The following CDH18 variants were observed in gnomAD, a reference collection of about 807,000 sequenced individuals.
The protein encoded by CDH18 is cadherin 18, also known as cadherin-18.
CDH18 carries 31 observed loss-of-function variants against 67.9 expected under a neutral mutation model. The ratio of observed to expected loss-of-function variants is 0.46; its 90% CI spans 0.34 to 0.62. CDH18 has a LOEUF of 0.62. Among genes scored for constraint, CDH18 ranks in the 20% least tolerant of loss-of-function variants. CDH18 has a pLI of 0.01. For synonymous variants in CDH18, 362 were observed against 347.2 expected (o/e 1.04, Z -0.48); for missense variants, 890 against 975.5 (o/e 0.91, Z 1.17).
rs113919799 is a variant in CDH18, at chr5:19,756,490, T to C, written c.229-9254A>G. 8.6e-4 allele frequency among the ~76,000 whole-genome samples: 131 copies of C among 152,314 alleles called. 1 individual carries two copies. Among genetic ancestry groups the C allele is most frequent in the African/African-American group, 2.6e-3 (108 of 41,562 alleles). ...CCTTTACTCCTGAGAGGGGCTGTTG[T>C]AGTTTCCATTAACCTTAATCACAGG... On this transcript the variant is annotated intron_variant, in intron 3 of 12. Transcript: ENST00000382275.
In CDH18 at chr5:19,571,663, A is replaced by T; in HGVS notation, c.1169T>A (p.Met390Lys). 1 of 1,613,806 alleles carries T rather than the reference A, an allele frequency of 6.2e-7. No individual in the cohort carries two copies. The highest frequency in any genetic ancestry group is 1.3e-5 in the African/African-American group (1 of 74,990). ...PPLFSMPSYL[M>K]EVYENAKIGT... is the part of the protein sequence containing the mutation. The stretch of plus-strand genomic sequence containing the variant: ...AATCTTGGCATTTTCGTAGACTTCC[A>T]TGAGGTAGGAAGGCATGGAAAATAG... Residue 390 changes from methionine (M) to lysine (K), a missense_variant, in exon 8 of 13, where the codon ATG becomes AAG. Physicochemically the swap from Met to Lys is moderately conservative, Grantham distance 95. Transcript: ENST00000382275.
intron 2 of CDH18, among the ~76,000 whole-genome samples, chr5:20,134,276 T>A (rs546785150): frequency 2.0e-5 from 3 of 152,166 alleles, no homozygotes; most frequent in Non-Finnish European, 4.4e-5. Context: ...ATGCCCAGCC[T>A]ACATCTTGTA....
At chr5:20,054,250 G>C (rs1741708267) in intron 2 of CDH18, among the ~76,000 whole-genome samples, 1 of 152,080 alleles carries the variant, frequency 6.6e-6, no homozygotes, top group African/African-American at 2.4e-5. Flanking sequence ...CCACTAGATA[G>C]TGCTTAAAAC....
chr5:20,363,117 C>G (rs1344746782), intron 1 of CDH18, among the ~76,000 whole-genome samples: 1 of 152,154 alleles, frequency 6.6e-6, no homozygotes, highest in Non-Finnish European at 1.5e-5. Flanking sequence ...TCTATGTCAA[C>G]AAATTCAACT....
At chr5:19,490,667 C>A (rs751176762) in intron 11 of CDH18, among the ~76,000 whole-genome samples, 2 of 151,906 alleles carry the variant, frequency 1.3e-5, no homozygotes, top group Non-Finnish European at 2.9e-5. Context: ...CACACCTCAG[C>A]CTCCCAAAGT....
chr5:19,970,731 T>C (rs1797940205), intron 2 of CDH18, among the ~76,000 whole-genome samples: 1 of 151,412 alleles, frequency 6.6e-6, no homozygotes, highest in African/African-American at 2.4e-5. Flanking sequence ...TAATTATTCA[T>C]ACATTTATTT....
rs1048990275 is a variant in CDH18, at chr5:19,921,024, T to A, written c.-257+60036A>T. 2.6e-5 allele frequency among the ~76,000 whole-genome samples: 4 copies of A among 151,842 alleles called. No homozygotes were observed. In the South Asian group the frequency reaches 6.2e-4, roughly 24 times the overall value. On this transcript the variant is annotated intron_variant, in intron 2 of 12. Coordinates refer to ENST00000382275, the MANE Select transcript of CDH18 (RefSeq NM_004934.5). The stretch of plus-strand genomic sequence containing the variant: ...GTATTGTGATACTTGGTTAGTCATG[T>A]ACAAAAAAATAAAATTAGATTACTA...
chr5:20,081,159 A>AT (rs11382252), intron 2 of CDH18, among the ~76,000 whole-genome samples: 152,041 of 152,248 alleles, frequency 1, 75,917 homozygotes, highest in Middle Eastern at 1. Context: ...ATCTTTTCCT[A>AT]TTTTGGTAAC....
At chr5:19,744,503 T>TAC (rs34059092) in intron 4 of CDH18, among the ~76,000 whole-genome samples, 57,902 of 146,114 alleles carry the variant, frequency 0.4, 12,018 homozygotes, top group Middle Eastern at 0.55. Flanking sequence ...TAACTCAGTG[T>TAC]ACACACACAC....
chr5:19,875,963 T>C (rs1272084477), intron 2 of CDH18, among the ~76,000 whole-genome samples: 2 of 152,108 alleles, frequency 1.3e-5, no homozygotes, highest in Non-Finnish European at 2.9e-5. Flanking sequence ...AGTTATTCCC[T>C]AATATAGAGG....
chr5:20,542,188 A>T (rs754595104), intron 1 of CDH18, among the ~76,000 whole-genome samples: 19 of 152,168 alleles, frequency 1.2e-4, no homozygotes, highest in Admixed American at 1.3e-4. Context: ...TATCTACAGC[A>T]CTGGTGGTGC....
chr5:20,518,434 T>C (rs570721320), intron 1 of CDH18, among the ~76,000 whole-genome samples: 1 of 152,138 alleles, frequency 6.6e-6, no homozygotes, highest in African/African-American at 2.4e-5. Context: ...AGTATGATTA[T>C]GTGGGCTCCC....
At chr5:20,175,053 T>C (rs184970138) in intron 2 of CDH18, among the ~76,000 whole-genome samples, 57 of 152,226 alleles carry the variant, frequency 3.7e-4, no homozygotes, top group African/African-American at 1.3e-3. Flanking sequence ...GTTCAAGATA[T>C]ATAAGAATGG....
intron 10 of CDH18, among the ~76,000 whole-genome samples, chr5:19,514,834 GA>G (rs1745707011): frequency 6.6e-6 from 1 of 152,176 alleles, no homozygotes; most frequent in Admixed American, 6.6e-5. Context: ...TTGCTGTGCT[GA>G]AGGTTTTTAG....
At chr5:20,485,306 C>T (rs950219798) in intron 1 of CDH18, among the ~76,000 whole-genome samples, 1 of 152,078 alleles carries the variant, frequency 6.6e-6, no homozygotes, top group African/African-American at 2.4e-5. Context: ...TGTAGGCTTT[C>T]CATTGAAGAT....
chr5:20,285,389 T>C (rs1425897386), intron 1 of CDH18, among the ~76,000 whole-genome samples: 3 of 52,976 alleles, frequency 5.7e-5, no homozygotes, highest in Admixed American at 2.5e-4. Flanking sequence ...CCATATAATA[T>C]AATATAATAT....
intron 3 of CDH18, among the ~76,000 whole-genome samples, chr5:19,807,949 CGGAACACAGGTCACT>C (rs1265809299): frequency 4.6e-5 from 7 of 151,924 alleles, no homozygotes; most frequent in East Asian, 1.9e-4. Context: ...ACATAGTGAC[CGGAACACAGGTCACT>C]GTGCATTTTA....
intron 8 of CDH18, among the ~76,000 whole-genome samples, chr5:19,566,957 T>C (rs964131439): frequency 6.6e-6 from 1 of 152,140 alleles, no homozygotes; most frequent in Non-Finnish European, 1.5e-5. Flanking sequence ...GGACATTATG[T>C]TAAGTGAAAT....
chr5:20,103,569 C>A (rs796957001), intron 2 of CDH18, among the ~76,000 whole-genome samples: 615 of 101,542 alleles, frequency 6.1e-3, no homozygotes, highest in Middle Eastern at 9.9e-3. Flanking sequence ...ACTAAAAATA[C>A]AAAAAAAAAA....
Sources: allele counts gnomAD v4.1 joint callset (sites outside exome capture counted in the v4.1 genomes callset), GRCh38; gene constraint gnomAD v4.1.1; transcripts MANE v1.5; gene names NCBI Gene and HGNC (gene_info 2026-07-23, HGNC 2026-07-21).